Variants in RHOJ observed in about 807,000 individuals in gnomAD.
RHOJ encodes the protein ras homolog family member J.
RHOJ carries 11 observed loss-of-function variants against 23.4 expected under a neutral mutation model. The observed-to-expected ratio is 0.47, with a 90% CI of 0.30 to 0.78. RHOJ has a LOEUF of 0.78. RHOJ is among the 30% of genes least tolerant of loss of function. The pLI is 0.08. For missense variants in RHOJ, 254 were observed against 273.4 expected, an observed-to-expected ratio of 0.93 and a Z score of 0.50; for synonymous variants, 102 against 102.7, an observed-to-expected ratio of 0.99 and a Z score of 0.04.
intron 1 of RHOJ, among the ~76,000 whole-genome samples, chr14:63,235,239 GA>G (rs200621267): frequency 2.6e-5 from 4 of 151,122 alleles, no homozygotes; most frequent in African/African-American, 7.3e-5. Flanking sequence ...TCGCAGGAAG[GA>G]AAAAAAAGGT....
chr14:63,267,921 C>T (rs1328320049), intron 1 of RHOJ, among the ~76,000 whole-genome samples: 1 of 152,184 alleles, frequency 6.6e-6, no homozygotes, highest in South Asian at 2.1e-4. Context: ...AAGTGCTTTG[C>T]TTTTCAAAGA....
At chr14:63,276,219 G>A (rs1323404190) in intron 2 of RHOJ, among the ~76,000 whole-genome samples, 1 of 150,280 alleles carries the variant, frequency 6.7e-6, no homozygotes, top group East Asian at 2.0e-4. Flanking sequence ...GTGGGGGGGG[G>A]CGGGGGCTGC....
Position 63,293,463 on chromosome 14 carries a change from CA to C in RHOJ, c.*2440del, listed in dbSNP as rs1275294483. On this transcript the variant is annotated 3_prime_UTR_variant, in exon 5 of 5. Transcript: ENST00000316754. ...AGTGTCTGGGTAGAGCACAGGCTCC[CA>C]GGGGTCTTAAGAGCTAATTACTGAA... Among the ~76,000 whole-genome samples the C allele has an allele frequency of 6.6e-6, 1 of 152,154 alleles. No individual in the cohort carries two copies. Among genetic ancestry groups the C allele is most frequent in the Non-Finnish European group, 1.5e-5 (1 of 68,018 alleles).
Position 63,291,233 on chromosome 14 carries a change from A to C in RHOJ, c.*209A>C, listed in dbSNP as rs1275988268. 1.7e-6 allele frequency: 1 copy of C among 598,164 alleles called. No individual in the cohort carries two copies. The highest frequency in any genetic ancestry group is 2.6e-5 in the Admixed American group (1 of 38,256). The allele number at this position is 598,164 out of a possible 1,614,324, so 37.1% of individuals were successfully genotyped here. A position where few individuals can be genotyped will look rare whatever the true frequency, so the allele number is the denominator to read the frequency against. ...TGCCAGCCAGAAGCATCCGTACTGC[A>C]CGCTGTCTGAGAATGCTGGGCCTGG... On this transcript the variant is annotated 3_prime_UTR_variant, in exon 5 of 5. Coordinates refer to ENST00000316754, the MANE Select transcript of RHOJ (RefSeq NM_020663.5).
chr14:63,274,742 G>A (rs1881664468), intron 2 of RHOJ, among the ~76,000 whole-genome samples: 1 of 152,176 alleles, frequency 6.6e-6, no homozygotes. Context: ...AGGGAGGCAT[G>A]GAGAACTTAC....
intron 1 of RHOJ, among the ~76,000 whole-genome samples, chr14:63,251,854 G>A (rs945558148): frequency 1.3e-5 from 2 of 151,910 alleles, no homozygotes; most frequent in South Asian, 2.1e-4. Flanking sequence ...GTCACAGTGG[G>A]TCACGCCTGT....
intron 2 of RHOJ, among the ~76,000 whole-genome samples, chr14:63,272,268 C>A (rs1352467912): frequency 6.6e-6 from 1 of 152,202 alleles, no homozygotes; most frequent in Non-Finnish European, 1.5e-5. Flanking sequence ...AATTTCCATT[C>A]CTAGTCCTAG....
At chr14:63,215,081 T>C (rs1355417166) in intron 1 of RHOJ, among the ~76,000 whole-genome samples, 1 of 152,200 alleles carries the variant, frequency 6.6e-6, no homozygotes, top group Non-Finnish European at 1.5e-5. Context: ...AAATGAACAG[T>C]AAACATCTGT....
chr14:63,259,034 G>A (rs953159490), intron 1 of RHOJ, among the ~76,000 whole-genome samples: 1 of 152,158 alleles, frequency 6.6e-6, no homozygotes, highest in Non-Finnish European at 1.5e-5. Flanking sequence ...CCGCCTCCCA[G>A]GTTCAAGCAA....
At chr14:63,278,190 C>T (rs1383561660) in intron 2 of RHOJ, among the ~76,000 whole-genome samples, 1 of 152,066 alleles carries the variant, frequency 6.6e-6, no homozygotes, top group African/African-American at 2.4e-5. Flanking sequence ...AGCATCATTG[C>T]CCTCTTGCTT....
intron 1 of RHOJ, among the ~76,000 whole-genome samples, chr14:63,227,564 A>C (rs1894618160): frequency 6.6e-6 from 1 of 152,224 alleles, no homozygotes; most frequent in African/African-American, 2.4e-5. Flanking sequence ...AAAGAACACA[A>C]AAAGGAACAA....
At chr14:63,243,542 G>A (rs1222564420) in intron 1 of RHOJ, among the ~76,000 whole-genome samples, 2 of 152,132 alleles carry the variant, frequency 1.3e-5, no homozygotes, top group Non-Finnish European at 2.9e-5. Flanking sequence ...GTTTCCCCAT[G>A]TTGGCCAGGA....
chr14:63,228,330 A>C (rs948769942), intron 1 of RHOJ, among the ~76,000 whole-genome samples: 4 of 152,170 alleles, frequency 2.6e-5, no homozygotes, highest in Non-Finnish European at 5.9e-5. Flanking sequence ...TTGACCCAAC[A>C]ATCCTTCCTT....
chr14:63,233,648 C>T (rs1395222129), intron 1 of RHOJ, among the ~76,000 whole-genome samples: 2 of 152,178 alleles, frequency 1.3e-5, no homozygotes, highest in Admixed American at 6.5e-5. Flanking sequence ...TTAATAGCTA[C>T]AATAACACCT....
At chr14:63,208,665 C>T (rs985078448) in intron 1 of RHOJ, among the ~76,000 whole-genome samples, 13 of 152,260 alleles carry the variant, frequency 8.5e-5, no homozygotes, top group African/African-American at 3.1e-4. Context: ...TCTGTCTTCC[C>T]AACCACCAAA....
chr14:63,209,174 A>G (rs896521694), intron 1 of RHOJ, among the ~76,000 whole-genome samples: 1 of 151,856 alleles, frequency 6.6e-6, no homozygotes, highest in East Asian at 1.9e-4. Flanking sequence ...CATCCAAACT[A>G]CTATAATCAA....
At chr14:63,232,613 G>T (rs937107241) in intron 1 of RHOJ, among the ~76,000 whole-genome samples, 1 of 151,678 alleles carries the variant, frequency 6.6e-6, no homozygotes, top group South Asian at 2.1e-4. Flanking sequence ...ATGTAAGATC[G>T]AGAGGCAATA....
intron 1 of RHOJ, among the ~76,000 whole-genome samples, chr14:63,236,693 G>A (rs1190891364): frequency 6.6e-6 from 1 of 151,284 alleles, no homozygotes; most frequent in Admixed American, 6.6e-5. Context: ...ATGTTTTCTA[G>A]TTACCAACAA....
chr14:63,260,160 C>A (rs190055567), intron 1 of RHOJ, among the ~76,000 whole-genome samples: 1 of 152,290 alleles, frequency 6.6e-6, no homozygotes, highest in Admixed American at 6.5e-5. Flanking sequence ...TCATATATTT[C>A]TTTCAGTTTA....
Sources: allele counts gnomAD v4.1 joint callset (sites outside exome capture counted in the v4.1 genomes callset), GRCh38; gene constraint gnomAD v4.1.1; transcripts MANE v1.5; gene names NCBI Gene and HGNC (gene_info 2026-07-23, HGNC 2026-07-21).